The following PRKG1 variants were observed in gnomAD, a reference collection of about 807,000 sequenced individuals.
The protein encoded by PRKG1 is protein kinase cGMP-dependent 1, also known as cGMP-dependent protein kinase 1.
PRKG1 carries 35 observed loss-of-function variants against 88.1 expected under a neutral mutation model. That is an observed-to-expected ratio of 0.40 (90% CI 0.30 to 0.53). PRKG1 has a LOEUF of 0.53. Ranked by LOEUF, PRKG1 falls within the 20% of genes least tolerant of loss-of-function variation. The probability of loss-of-function intolerance (pLI) is 0.59; values close to 1 mark genes in which losing one functional copy is unlikely to be tolerated. For missense variants in PRKG1, 540 were observed against 839.8 expected (o/e 0.64, Z 4.41); for synonymous variants, 303 against 292.5 (o/e 1.04, Z -0.37).
intron 2 of PRKG1, among the ~76,000 whole-genome samples, chr10:51,220,504 T>A (rs1838500028): frequency 6.6e-6 from 1 of 151,890 alleles, no homozygotes; most frequent in Admixed American, 6.6e-5. Context: ...AACAGAGAAT[T>A]CACAGTCACG....
chr10:51,877,361 T>C (rs1841324630), intron 4 of PRKG1, among the ~76,000 whole-genome samples: 1 of 152,024 alleles, frequency 6.6e-6, no homozygotes, highest in Non-Finnish European at 1.5e-5. Context: ...TATTTTCAGA[T>C]TTTTTTTGGT....
intron 1 of PRKG1, among the ~76,000 whole-genome samples, chr10:51,093,586 G>A (rs12767727): frequency 0.28 from 42,327 of 149,834 alleles, 7,205 homozygotes; most frequent in East Asian, 0.43. Context: ...TATTCTTTTG[G>A]TTTTTAATGT....
At chr10:51,687,581 G>A (rs995811888) in intron 3 of PRKG1, among the ~76,000 whole-genome samples, 3 of 152,190 alleles carry the variant, frequency 2.0e-5, no homozygotes, top group African/African-American at 7.2e-5. Context: ...CCAGATGTTA[G>A]CATTCCTATC....
At chr10:51,094,026 C>T (rs1344664537) in intron 1 of PRKG1, among the ~76,000 whole-genome samples, 1 of 151,750 alleles carries the variant, frequency 6.6e-6, no homozygotes, top group Non-Finnish European at 1.5e-5. Flanking sequence ...AGGCTTTAGA[C>T]CCCAGAATGG....
intron 10 of PRKG1, among the ~76,000 whole-genome samples, chr10:52,267,199 T>C (rs1008746785): frequency 6.6e-6 from 1 of 152,110 alleles, no homozygotes; most frequent in African/African-American, 2.4e-5. Context: ...TAATAAAACC[T>C]AGTATCTTAG....
At chr10:51,432,509 G>A (rs1426711506) in intron 2 of PRKG1, among the ~76,000 whole-genome samples, 4 of 152,136 alleles carry the variant, frequency 2.6e-5, no homozygotes, top group Non-Finnish European at 5.9e-5. Flanking sequence ...TCCAACAGAT[G>A]TTTAAACAGA....
intron 5 of PRKG1, among the ~76,000 whole-genome samples, chr10:51,979,180 AT>A (rs1400752284): frequency 2.0e-5 from 3 of 151,968 alleles, no homozygotes; most frequent in Admixed American, 6.6e-5. Flanking sequence ...GAGATATTTA[AT>A]TTTATCCAAA....
chr10:51,900,785 C>T (rs1841963160), intron 4 of PRKG1, among the ~76,000 whole-genome samples: 1 of 151,866 alleles, frequency 6.6e-6, no homozygotes, highest in Non-Finnish European at 1.5e-5. Context: ...AAATCATTTT[C>T]TAGTAAAAAA....
At chr10:52,266,258 G>A (rs551511601) in intron 10 of PRKG1, among the ~76,000 whole-genome samples, 12 of 151,710 alleles carry the variant, frequency 7.9e-5, no homozygotes, top group African/African-American at 2.7e-4. Context: ...GGATGTGCAT[G>A]TTTGTTACAT....
chr10:51,889,636 C>G (rs972813328), intron 4 of PRKG1, among the ~76,000 whole-genome samples: 4 of 152,288 alleles, frequency 2.6e-5, no homozygotes, highest in East Asian at 3.9e-4. Context: ...TCGCCACACT[C>G]TCTTCCACAA....
chr10:51,974,793 T>C (rs942224381), intron 5 of PRKG1, among the ~76,000 whole-genome samples: 5 of 152,176 alleles, frequency 3.3e-5, no homozygotes, highest in Admixed American at 6.5e-5. Flanking sequence ...TGTAACATTC[T>C]GCCTTTTTAA....
chr10:51,457,354 C>T (rs765014358), intron 2 of PRKG1, among the ~76,000 whole-genome samples: 1 of 152,090 alleles, frequency 6.6e-6, no homozygotes, highest in African/African-American at 2.4e-5. Flanking sequence ...TATGTTCTCA[C>T]TTATAAGTGG....
intron 2 of PRKG1, among the ~76,000 whole-genome samples, chr10:51,339,546 A>G (rs1195690342): frequency 5.9e-5 from 9 of 151,966 alleles, no homozygotes. Flanking sequence ...AAAACAAAAA[A>G]GAAAGTAAAT....
intron 5 of PRKG1, among the ~76,000 whole-genome samples, chr10:52,033,176 C>T (rs1362274037): frequency 6.6e-6 from 1 of 152,162 alleles, no homozygotes; most frequent in Non-Finnish European, 1.5e-5. Context: ...GTCATGCACA[C>T]ATCTCGAGTT....
intron 17 of PRKG1, among the ~76,000 whole-genome samples, chr10:52,291,104 G>C (rs1004801799): frequency 6.6e-6 from 1 of 151,496 alleles, no homozygotes; most frequent in Non-Finnish European, 1.5e-5. Context: ...GGTATTTTTA[G>C]TAGAGACACA....
chr10:51,319,213 G>A (rs977953833), intron 2 of PRKG1, among the ~76,000 whole-genome samples: 6 of 152,104 alleles, frequency 3.9e-5, no homozygotes, highest in African/African-American at 9.7e-5. Context: ...ACTAGTTAAC[G>A]GACTTGGGCC....
chr10:51,710,891 GT>G lies in PRKG1; in HGVS notation c.593-93693del, dbSNP rs1841730141. ...TTCCTTTTTGTTAATAGAGATGGGG[GT>G]CTCCCTATGTTAGCCAGGGTCTCGA... On this transcript the variant is annotated intron_variant, in intron 3 of 17. Transcript: ENST00000373980. Among the ~76,000 whole-genome samples, 7 of 152,134 alleles carry G rather than the reference GT, an allele frequency of 4.6e-5. No homozygotes were observed. In the South Asian group the frequency reaches 1.5e-3, roughly 32 times the overall value.
chr10:51,858,947 C>T (rs1175047930), intron 4 of PRKG1, among the ~76,000 whole-genome samples: 1 of 152,058 alleles, frequency 6.6e-6, no homozygotes. Context: ...TGATTTTTCT[C>T]CTTGCTTCCC....
In PRKG1 at chr10:51,391,631, A is replaced by C. The variant is rs527847515; in HGVS notation, c.479-76092A>C. Among the ~76,000 whole-genome samples the C allele has an allele frequency of 1.5e-3, 235 of 152,332 alleles. 1 individual carries two copies. The highest frequency in any genetic ancestry group is 5.6e-3 in the African/African-American group (231 of 41,572). ...GAGTTAGGTGGAATGCTCTAGGCAG[A>C]GAAAGGATTAGGGCTCATCAGAGCC... is the stretch of plus-strand genomic sequence containing the variant. On this transcript the variant is annotated intron_variant, in intron 2 of 17. Coordinates refer to ENST00000373980, the MANE Select transcript of PRKG1 (RefSeq NM_006258.4).
Sources: gnomAD v4.1 joint callset for allele counts (sites outside exome capture counted in the v4.1 genomes callset) on GRCh38, gnomAD v4.1.1 for gene constraint, MANE v1.5 for transcripts, NCBI Gene and HGNC (gene_info 2026-07-23, HGNC 2026-07-21) for gene names.